CDKAL1: variants seen among roughly 807,000 people sequenced by gnomAD.
The protein encoded by CDKAL1 is threonylcarbamoyladenosine tRNA methylthiotransferase.
Under a neutral mutation model 68.2 loss-of-function variants are expected in CDKAL1, and 32 were observed. The ratio of observed to expected loss-of-function variants is 0.47; its 90% CI spans 0.35 to 0.63. CDKAL1 has a LOEUF of 0.63. CDKAL1 is among the 30% of genes least tolerant of loss of function. The probability of loss-of-function intolerance (pLI) is 0.00; values close to 1 mark genes in which losing one functional copy is unlikely to be tolerated. For synonymous variants in CDKAL1, 234 were observed against 244.3 expected, an observed-to-expected ratio of 0.96 and a Z score of 0.39; for missense variants, 606 against 696.7, an observed-to-expected ratio of 0.87 and a Z score of 1.47.
chr6:20,954,346 G>T (rs1297098761), intron 9 of CDKAL1, among the ~76,000 whole-genome samples: 2 of 152,072 alleles, frequency 1.3e-5, no homozygotes, highest in Non-Finnish European at 2.9e-5. Context: ...AAACTCTTCT[G>T]TTCTGTCAAC....
At chr6:21,204,000 AAC>A (rs1486353520) in intron 15 of CDKAL1, among the ~76,000 whole-genome samples, 6 of 152,116 alleles carry the variant, frequency 3.9e-5, no homozygotes, top group Non-Finnish European at 7.4e-5. Flanking sequence ...ACTTGAGAAA[AAC>A]ACAGTTTTAA....
chr6:21,221,781 A>C (rs1049662554), intron 15 of CDKAL1, among the ~76,000 whole-genome samples: 1 of 152,238 alleles, frequency 6.6e-6, no homozygotes. Flanking sequence ...AGAAAAATTT[A>C]CACATGAGAA....
intron 9 of CDKAL1, among the ~76,000 whole-genome samples, chr6:20,855,442 CAAAAAAAAAAAAAAAA>C (rs145448785): frequency 2.2e-4 from 14 of 64,640 alleles, no homozygotes; most frequent in Admixed American, 9.9e-4. Flanking sequence ...GACTCCGTCT[CAAAAAAAAAAAAAAAA>C]AAAAAAAAAA....
At chr6:21,086,109 C>T (rs1290499425) in intron 12 of CDKAL1, among the ~76,000 whole-genome samples, 1 of 152,180 alleles carries the variant, frequency 6.6e-6, no homozygotes, top group Non-Finnish European at 1.5e-5. Flanking sequence ...TTCATTTAAT[C>T]TTCATGCCAA....
At chr6:20,973,395 G>A (rs574938444) in intron 10 of CDKAL1, among the ~76,000 whole-genome samples, 6 of 152,082 alleles carry the variant, frequency 3.9e-5, no homozygotes, top group African/African-American at 1.4e-4. Context: ...AGTACCTGTG[G>A]GGAAGGAGAA....
At chr6:21,019,589 T>C (rs1276706801) in intron 11 of CDKAL1, among the ~76,000 whole-genome samples, 2 of 152,206 alleles carry the variant, frequency 1.3e-5, no homozygotes, top group Non-Finnish European at 2.9e-5. Flanking sequence ...ATTTACATAA[T>C]ACCTTTGTCA....
At chr6:20,763,041 A>C (rs546924045) in intron 7 of CDKAL1, among the ~76,000 whole-genome samples, 1 of 152,144 alleles carries the variant, frequency 6.6e-6, no homozygotes, top group Non-Finnish European at 1.5e-5. Context: ...ACAGAAGTGG[A>C]TATCTTCTGT....
intron 9 of CDKAL1, among the ~76,000 whole-genome samples, chr6:20,930,094 A>G (rs1354418043): frequency 6.6e-6 from 1 of 152,228 alleles, no homozygotes; most frequent in Non-Finnish European, 1.5e-5. Flanking sequence ...GTACCAAGAA[A>G]AGCTGCATTA....
At position 20,957,570 on chromosome 6, in the gene CDKAL1, G is replaced by A. The variant is rs550499790; in HGVS notation, c.909+1985G>A. Among the ~76,000 whole-genome samples the A allele has an allele frequency of 1.8e-4, 28 of 152,250 alleles. 1 individual carries two copies. Among genetic ancestry groups the A allele is most frequent in the South Asian group, 4.2e-4 (2 of 4,814 alleles). On this transcript the variant is annotated intron_variant, in intron 10 of 15. Coordinates refer to ENST00000274695, the MANE Select transcript of CDKAL1 (RefSeq NM_017774.3). ...ATCCTCTGAAGTATGTATCATGTTG[G>A]CCTTTCCTCCTACATTGTCATCTTG...
intron 4 of CDKAL1, chr6:20,559,530 T>G (rs976846078): frequency 6.6e-6 from 1 of 152,214 alleles, no homozygotes; most frequent in East Asian, 1.9e-4. Flanking sequence ...TTAAAGATCA[T>G]TTTTCATCCT....
At chr6:20,890,635 C>T (rs916404652) in intron 9 of CDKAL1, among the ~76,000 whole-genome samples, 1 of 152,128 alleles carries the variant, frequency 6.6e-6, no homozygotes, top group Non-Finnish European at 1.5e-5. Context: ...CTTTGACGTT[C>T]GTGGAGTGTT....
chr6:20,897,206 A>G (rs929541416), intron 9 of CDKAL1, among the ~76,000 whole-genome samples: 4 of 152,202 alleles, frequency 2.6e-5, no homozygotes, highest in African/African-American at 9.6e-5. Flanking sequence ...AATAGCTGTC[A>G]TGACCTAATC....
intron 12 of CDKAL1, among the ~76,000 whole-genome samples, chr6:21,092,676 A>G (rs1156728417): frequency 6.6e-6 from 1 of 151,816 alleles, no homozygotes; most frequent in African/African-American, 2.4e-5. Context: ...ATAGGAATGG[A>G]GTGAGAGAGA....
At chr6:20,670,051 A>G (rs1432677004) in intron 5 of CDKAL1, among the ~76,000 whole-genome samples, 2 of 152,272 alleles carry the variant, frequency 1.3e-5, no homozygotes, top group East Asian at 1.9e-4. Context: ...CCCTTTTCTT[A>G]TAAGTAACTC....
chr6:21,059,006 G>A (rs928588927), intron 11 of CDKAL1, among the ~76,000 whole-genome samples: 1 of 152,192 alleles, frequency 6.6e-6, no homozygotes, highest in East Asian at 1.9e-4. Context: ...TAGCCAGCAG[G>A]CAGGAAAGAC....
intron 15 of CDKAL1, among the ~76,000 whole-genome samples, chr6:21,217,336 C>G (rs945197876): frequency 6.0e-5 from 9 of 150,246 alleles, no homozygotes; most frequent in African/African-American, 2.2e-4. Flanking sequence ...CACTGTTGCC[C>G]AGGCTGGAGT....
intron 10 of CDKAL1, among the ~76,000 whole-genome samples, chr6:20,977,255 T>A (rs1367174077): frequency 1.3e-5 from 2 of 152,220 alleles, no homozygotes; most frequent in East Asian, 1.9e-4. Context: ...ATGAGGTAAT[T>A]TGGAATATAA....
At chr6:20,861,548 C>A (rs1759630606) in intron 9 of CDKAL1, among the ~76,000 whole-genome samples, 1 of 152,176 alleles carries the variant, frequency 6.6e-6, no homozygotes, top group Non-Finnish European at 1.5e-5. Flanking sequence ...ATTCCTGTTT[C>A]CTTCTCTCTC....
intron 15 of CDKAL1, among the ~76,000 whole-genome samples, chr6:21,215,465 C>A (rs1183584680): frequency 2.6e-5 from 4 of 152,160 alleles, no homozygotes; most frequent in Admixed American, 2.6e-4. Flanking sequence ...CCTATGAAAT[C>A]TTGGTGTTTT....
Sources: gnomAD v4.1 joint callset for allele counts (sites outside exome capture counted in the v4.1 genomes callset) on GRCh38, gnomAD v4.1.1 for gene constraint, MANE v1.5 for transcripts, NCBI Gene and HGNC (gene_info 2026-07-23, HGNC 2026-07-21) for gene names.